Variants in ZFAND4 observed in about 807,000 individuals in gnomAD.
The protein encoded by ZFAND4 is zinc finger AN1-type containing 4, also known as AN1-type zinc finger protein 4.
Under a neutral mutation model 64.4 loss-of-function variants are expected in ZFAND4, and 43 were observed. The observed-to-expected ratio is 0.67, with a 90% CI of 0.52 to 0.86. The LOEUF is 0.86. Among genes scored for constraint, ZFAND4 ranks in the 40% least tolerant of loss-of-function variants. ZFAND4 has a pLI of 0.00. For missense variants in ZFAND4, 929 were observed against 859.8 expected, an observed-to-expected ratio of 1.08 and a Z score of -1.01; for synonymous variants, 296 against 305.7, an observed-to-expected ratio of 0.97 and a Z score of 0.33.
intron 5 of ZFAND4, 53 bp downstream of exon 5, chr10:45,648,241 A>AAT (rs1473764857): frequency 1.4e-6 from 2 of 1,480,744 alleles, no homozygotes; most frequent in African/African-American, 1.4e-5. Context: ...GACATTTGTT[A>AAT]ATATATATAG....
rs1403823819 is a variant in ZFAND4 at position 45,672,297 on chromosome 10, C to T, written c.-165G>A. 2 of 152,352 alleles carry T rather than the reference C, an allele frequency of 1.3e-5. No homozygotes were observed. Among genetic ancestry groups the T allele is most frequent in the Admixed American group, 1.3e-4 (2 of 15,294 alleles). 9.4% of individuals were successfully genotyped at this position (152,352 alleles called of 1,614,324 possible). ...CTGCGCAGCCGTTGCTCCTCCAAGACCAATCCGGGCTCCCCAGACCCACCG... is the reference window on the plus strand; with the variant it reads ...CTGCGCAGCCGTTGCTCCTCCAAGATCAATCCGGGCTCCCCAGACCCACCG... On this transcript the variant is annotated 5_prime_UTR_variant, in exon 1 of 10. Transcript: ENST00000344646.
chr10:45,649,034 C>T (rs1392345505), intron 4 of ZFAND4: 5 of 730,218 alleles, frequency 6.8e-6, no homozygotes, highest in East Asian at 1.3e-4. Flanking sequence ...TTTGGGAGGC[C>T]GAGGCGGGCA....
At chr10:45,627,198 C>T (rs2045897336) in intron 6 of ZFAND4, 93 bp from the exon 7 acceptor site, 1 of 935,580 alleles carries the variant, frequency 1.1e-6, no homozygotes, top group African/African-American at 1.7e-5. Flanking sequence ...CTTACCATAA[C>T]ATACTAGCAT....
chr10:45,668,952 A>T (rs2133883372), intron 1 of ZFAND4, among the ~76,000 whole-genome samples: 1 of 152,378 alleles, frequency 6.6e-6, no homozygotes, highest in South Asian at 2.1e-4. Context: ...AGCAGGAAAG[A>T]TCTAAAATTG....
chr10:45,620,172 A>G (rs1425493000), intron 8 of ZFAND4, among the ~76,000 whole-genome samples: 6 of 152,006 alleles, frequency 3.9e-5, no homozygotes, highest in African/African-American at 1.5e-4. Context: ...GATATTCTCC[A>G]TACTTTTTTT....
chr10:45,618,344 C>T (rs1307379681), intron 8 of ZFAND4, 84 bp from the exon 9 acceptor site: 1 of 1,487,750 alleles, frequency 6.7e-7, no homozygotes, highest in East Asian at 2.4e-5. Flanking sequence ...AAAACATAGT[C>T]CTATCAAAGT....
intron 2 of ZFAND4, among the ~76,000 whole-genome samples, chr10:45,658,353 A>C (rs2048265859): frequency 6.6e-6 from 1 of 152,206 alleles, no homozygotes; most frequent in South Asian, 2.1e-4. Flanking sequence ...GGTGAAAGGC[A>C]TGTGACAGAT....
intron 4 of ZFAND4, 130 bp downstream of exon 4, chr10:45,651,836 G>C: frequency 2.5e-6 from 2 of 801,798 alleles, no homozygotes; most frequent in Non-Finnish European, 4.1e-6. Context: ...ACAATGCCTA[G>C]AGAATCAAAT....
At position 45,636,692 on chromosome 10, in the gene ZFAND4, G is replaced by C. The variant is rs78492264; in HGVS notation, c.717+3124C>G. Reference sequence around the variant, plus strand: ...TATGGCACACAATATGGTTTACCCTGGTAAATGTTCTACATGCACTTAAAA... The same window carrying C: ...TATGGCACACAATATGGTTTACCCTCGTAAATGTTCTACATGCACTTAAAA... On this transcript the variant is annotated intron_variant, in intron 6 of 9. Transcript: ENST00000344646. Among the ~76,000 whole-genome samples, 568 of 152,036 alleles carry C rather than the reference G, an allele frequency of 3.7e-3. 13 individuals are homozygous for C. In the East Asian group the frequency reaches 0.051, roughly 14 times the overall value.
intron 6 of ZFAND4, among the ~76,000 whole-genome samples, chr10:45,628,373 A>C (rs2045980235): frequency 6.6e-6 from 1 of 152,210 alleles, no homozygotes; most frequent in Non-Finnish European, 1.5e-5. Context: ...GCAGGAGTGC[A>C]ATGGCACAAT....
chr10:45,653,023 T>G lies in ZFAND4; in HGVS notation c.221A>C (p.Asn74Thr). The G allele has an allele frequency of 6.2e-7, 1 of 1,612,392 alleles. No homozygotes were observed. Among genetic ancestry groups the G allele is most frequent in the South Asian group, 1.1e-5 (1 of 90,828 alleles). ...GCAATAATCATTTTCAAGTTCCATGTTATTCCAAATTAAGTGTTGTCGACA... is the reference window on the plus strand; with the variant it reads ...GCAATAATCATTTTCAAGTTCCATGGTATTCCAAATTAAGTGTTGTCGACA... ...PICRQHLIWN[N>T]MELENDYCLN... The change falls in exon 3 of 10, where the codon AAC becomes ACC. Residue 74 changes from asparagine to threonine, a missense_variant. Asn to Thr is a moderately conservative substitution (Grantham distance 65, BLOSUM62 0). Coordinates refer to ENST00000344646, the MANE Select transcript of ZFAND4 (RefSeq NM_174890.4).
At chr10:45,660,792 A>G (rs987068365) in intron 2 of ZFAND4, among the ~76,000 whole-genome samples, 2 of 152,202 alleles carry the variant, frequency 1.3e-5, no homozygotes, top group Non-Finnish European at 2.9e-5. Flanking sequence ...GAAAAAAAAT[A>G]CCAACTTAGA....
intron 2 of ZFAND4, among the ~76,000 whole-genome samples, chr10:45,654,932 C>A (rs760351662): frequency 6.6e-6 from 1 of 152,110 alleles, no homozygotes; most frequent in Non-Finnish European, 1.5e-5. Flanking sequence ...ACTGACAGCA[C>A]TAGACAGGTC....
intron 5 of ZFAND4, among the ~76,000 whole-genome samples, chr10:45,642,542 G>A (rs1024260755): frequency 2.0e-5 from 3 of 149,200 alleles, no homozygotes; most frequent in African/African-American, 5.0e-5. Flanking sequence ...GGGAGGCAGA[G>A]CTTGCAAGTG....
At position 45,626,352 on chromosome 10, in the gene ZFAND4, C is replaced by T. The variant is rs2045822569; in HGVS notation, c.1471G>A (p.Glu491Lys). 1 of 1,614,222 alleles carries T rather than the reference C, an allele frequency of 6.2e-7. No homozygotes were observed. Among genetic ancestry groups the T allele is most frequent in the African/African-American group, 1.3e-5 (1 of 75,068 alleles). ...MSLHNSLVKP[E>K]RQSKCFEFGK... ...AACTCAAAACATTTGGACTGTCTCTCTGGTTTCACCAGAGAATTATGTAGC... is the reference window on the plus strand; with the variant it reads ...AACTCAAAACATTTGGACTGTCTCTTTGGTTTCACCAGAGAATTATGTAGC... Residue 491 changes from glutamate to lysine, a missense_variant, in exon 7 of 10, where the codon GAG (glutamate) becomes AAG (lysine). Coordinates refer to ENST00000344646, the MANE Select transcript of ZFAND4 (RefSeq NM_174890.4).
chr10:45,646,723 G>T (rs1242088736), intron 5 of ZFAND4, among the ~76,000 whole-genome samples: 1 of 152,150 alleles, frequency 6.6e-6, no homozygotes, highest in African/African-American at 2.4e-5. Flanking sequence ...AGGAGCTTGG[G>T]TTTCCTTTAG....
At chr10:45,657,212 C>T (rs1226625055) in intron 2 of ZFAND4, among the ~76,000 whole-genome samples, 2 of 152,052 alleles carry the variant, frequency 1.3e-5, no homozygotes, top group Non-Finnish European at 2.9e-5. Context: ...GACAGGGTTT[C>T]GCAATGTTGC....
At chr10:45,650,957 G>C (rs760094774) in intron 4 of ZFAND4, 2 of 152,168 alleles carry the variant, frequency 1.3e-5, no homozygotes, top group Non-Finnish European at 2.9e-5. Context: ...AGCCAAAGTA[G>C]CATATCTCAT....
At chr10:45,616,689 A>G in intron 9 of ZFAND4, 118 bp from the exon 10 acceptor site, 4 of 930,934 alleles carry the variant, frequency 4.3e-6, no homozygotes, top group Non-Finnish European at 6.5e-6. Context: ...CTTTTTAGCA[A>G]TTTCACTGCT....
Sources: gnomAD v4.1 joint callset for allele counts (sites outside exome capture counted in the v4.1 genomes callset) on GRCh38, gnomAD v4.1.1 for gene constraint, MANE v1.5 for transcripts, NCBI Gene and HGNC (gene_info 2026-07-23, HGNC 2026-07-21) for gene names.